GALNT13: variants seen among roughly 807,000 people sequenced by gnomAD.
GALNT13 encodes the protein UDP-GalNAc:polypeptide N-acetylgalactosaminyltransferase 13.
GALNT13 carries 28 observed loss-of-function variants against 64.2 expected under a neutral mutation model. The ratio of observed to expected loss-of-function variants is 0.44; its 90% confidence interval spans 0.32 to 0.60. GALNT13 has a LOEUF of 0.60. GALNT13 is among the 20% of genes least tolerant of loss of function. The probability of loss-of-function intolerance (pLI) is 0.05; values close to 1 mark genes in which losing one functional copy is unlikely to be tolerated. For synonymous variants in GALNT13, 214 were observed against 224.6 expected, an observed-to-expected ratio of 0.95 and a Z score of 0.42; for missense variants, 577 against 669.8, an observed-to-expected ratio of 0.86 and a Z score of 1.53.
the GALNT13 span, among the ~76,000 whole-genome samples, chr2:153,097,329 T>C: frequency 6.6e-6 from 1 of 152,136 alleles, no homozygotes; most frequent in South Asian, 2.1e-4. Context: ...ATATTCTATG[T>C]TTTTCTGTGT....
the GALNT13 span, among the ~76,000 whole-genome samples, chr2:153,687,448 A>G: frequency 6.6e-6 from 1 of 151,850 alleles, no homozygotes; most frequent in Non-Finnish European, 1.5e-5. Context: ...TGTTCATGAT[A>G]TTCTCTGATG....
the GALNT13 span, among the ~76,000 whole-genome samples, chr2:153,208,552 T>C: frequency 6.6e-6 from 1 of 152,310 alleles, no homozygotes; most frequent in East Asian, 1.9e-4. Context: ...TTTATCTGGT[T>C]GATCGGCATT....
chr2:153,834,858 C>A, the GALNT13 span, among the ~76,000 whole-genome samples: 1 of 152,040 alleles, frequency 6.6e-6, no homozygotes, highest in Non-Finnish European at 1.5e-5. Context: ...CTGTCTGTAC[C>A]TAGAACATAG....
At chr2:153,259,706 C>A in the GALNT13 span, among the ~76,000 whole-genome samples, 3 of 152,280 alleles carry the variant, frequency 2.0e-5, no homozygotes, top group African/African-American at 7.2e-5. Context: ...TCACCTTCTG[C>A]CATGATAGTG....
the GALNT13 span, among the ~76,000 whole-genome samples, chr2:153,402,934 AG>A: frequency 6.6e-6 from 1 of 152,214 alleles, no homozygotes; most frequent in Admixed American, 6.5e-5. Context: ...AGCTCGTCAA[AG>A]TCATTCTCCA....
At chr2:153,767,872 T>C in the GALNT13 span, among the ~76,000 whole-genome samples, 5 of 152,174 alleles carry the variant, frequency 3.3e-5, no homozygotes, top group African/African-American at 1.2e-4. Flanking sequence ...ATGCATAGTT[T>C]GCAAATATTT....
the GALNT13 span, among the ~76,000 whole-genome samples, chr2:153,408,213 T>A: frequency 6.6e-6 from 1 of 152,122 alleles, no homozygotes; most frequent in Non-Finnish European, 1.5e-5. Flanking sequence ...AGACTATGGC[T>A]CATCTCAGGG....
chr2:153,551,204 T>C, the GALNT13 span, among the ~76,000 whole-genome samples: 1 of 152,160 alleles, frequency 6.6e-6, no homozygotes, highest in East Asian at 1.9e-4. Context: ...AGGTGGCTTT[T>C]ATGCTTCAGG....
chr2:153,594,719 C>T, the GALNT13 span, among the ~76,000 whole-genome samples: 6 of 152,126 alleles, frequency 3.9e-5, no homozygotes, highest in East Asian at 3.9e-4. Context: ...TTTACTCAAG[C>T]GGGTCCCCTG....
chr2:154,120,347 T>C (rs751828249), intron 3 of GALNT13, among the ~76,000 whole-genome samples: 10 of 152,212 alleles, frequency 6.6e-5, no homozygotes, highest in Non-Finnish European at 1.3e-4. Context: ...CAATCTGCAG[T>C]TGGGCAGGGC....
At chr2:153,406,339 GTTTA>G in the GALNT13 span, among the ~76,000 whole-genome samples, 1 of 151,962 alleles carries the variant, frequency 6.6e-6, no homozygotes, top group Non-Finnish European at 1.5e-5. Context: ...TTATTTATAT[GTTTA>G]TTAATAGCTC....
chr2:154,301,530 G>A lies in GALNT13; in HGVS notation c.1097G>A (p.Arg366Lys). The A allele has an allele frequency of 6.2e-7, 1 of 1,613,426 alleles. No individual in the cohort carries two copies. Among genetic ancestry groups the A allele is most frequent in the Non-Finnish European group, 8.5e-7 (1 of 1,179,494 alleles). ...GTGHVINKNN[R>K]RLAEVWMDEF... ...GGTCATGTCATCAACAAGAACAACAGGAGACTGGCAGAAGTTTGGATGGAT... is the reference window on the plus strand; with the variant it reads ...GGTCATGTCATCAACAAGAACAACAAGAGACTGGCAGAAGTTTGGATGGAT... The change falls in exon 9 of 13, where the codon AGG (arginine) becomes AAG (lysine). Residue 366 changes from arginine to lysine, a missense_variant. Physicochemically the swap from Arg to Lys is conservative, Grantham distance 26. Around this residue, in one of 3 missense-constraint regions of GALNT13, gnomAD observed 232 missense variants for 270.6 expected, o/e 0.86. Transcript: ENST00000392825.
chr2:153,147,642 C>CTTA, the GALNT13 span, among the ~76,000 whole-genome samples: 3,812 of 151,260 alleles, frequency 0.025, 71 homozygotes, highest in Non-Finnish European at 0.043. Flanking sequence ...GCAAAGTCAC[C>CTTA]TTATATAAGG....
chr2:154,351,063 A>C (rs527944186), intron 9 of GALNT13, among the ~76,000 whole-genome samples: 1 of 152,256 alleles, frequency 6.6e-6, no homozygotes, highest in East Asian at 1.9e-4. Flanking sequence ...CAAAGACAGG[A>C]AACTTAGAGG....
the GALNT13 span, among the ~76,000 whole-genome samples, chr2:153,689,685 G>A: frequency 6.6e-6 from 1 of 151,920 alleles, no homozygotes; most frequent in Non-Finnish European, 1.5e-5. Flanking sequence ...AATTCCTAAT[G>A]AAGTCAGCGA....
At chr2:154,031,161 G>A (rs1698311959) in intron 3 of GALNT13, among the ~76,000 whole-genome samples, 1 of 152,176 alleles carries the variant, frequency 6.6e-6, no homozygotes, top group Admixed American at 6.5e-5. Context: ...TTGGGATATA[G>A]TGTTACAACA....
the GALNT13 span, among the ~76,000 whole-genome samples, chr2:153,470,416 T>A: frequency 6.6e-6 from 1 of 152,142 alleles, no homozygotes; most frequent in Non-Finnish European, 1.5e-5. Context: ...CAGCGGTTTG[T>A]TCAGCAATTG....
the GALNT13 span, among the ~76,000 whole-genome samples, chr2:153,275,760 A>G: frequency 0.14 from 20,691 of 152,150 alleles, 1,675 homozygotes; most frequent in African/African-American, 0.22. Flanking sequence ...TGCCATTACA[A>G]TAATATAGTC....
chr2:154,321,974 C>T (rs945333077), intron 9 of GALNT13, among the ~76,000 whole-genome samples: 8 of 151,612 alleles, frequency 5.3e-5, no homozygotes, highest in Non-Finnish European at 1.0e-4. Flanking sequence ...TGAAATTATT[C>T]CTAGGTATAT....
Sources: gnomAD v4.1 joint callset for allele counts (sites outside exome capture counted in the v4.1 genomes callset) on GRCh38, gnomAD v4.1.1 for gene constraint, gnomAD v4.1.1 regional missense constraint, MANE v1.5 for transcripts, NCBI Gene and HGNC (gene_info 2026-07-23, HGNC 2026-07-21) for gene names.